Variants in KLHDC1 observed in about 807,000 individuals in gnomAD.
KLHDC1 encodes kelch domain containing 1, also known as kelch domain-containing protein 1.
A neutral mutation model predicts 68.3 loss-of-function variants in KLHDC1; 53 were observed. That is an observed-to-expected ratio of 0.78 (90% CI 0.62 to 0.98). The LOEUF (loss-of-function observed/expected upper bound fraction) is 0.98, where lower values mean the gene tolerates loss of function less well. Among genes scored for constraint, KLHDC1 ranks in the 50% least tolerant of loss-of-function variants. The pLI is 0.00. For synonymous variants in KLHDC1, 148 were observed against 159.0 expected, an observed-to-expected ratio of 0.93 and a Z score of 0.52; for missense variants, 470 against 492.3, an observed-to-expected ratio of 0.95 and a Z score of 0.43.
chr14:49,743,316 C>T (rs934047328), intron 11 of KLHDC1, among the ~76,000 whole-genome samples: 1 of 150,166 alleles, frequency 6.7e-6, no homozygotes, highest in Non-Finnish European at 1.5e-5. Flanking sequence ...AAGAGAATCG[C>T]TTGAACCTGG....
chr14:49,701,748 C>T (rs545421615), intron 1 of KLHDC1, among the ~76,000 whole-genome samples: 1 of 152,076 alleles, frequency 6.6e-6, no homozygotes, highest in Admixed American at 6.6e-5. Flanking sequence ...ATATTTGTAA[C>T]CAGGGTCGGG....
In KLHDC1 at chr14:49,715,368, G is replaced by T. The variant is rs373994478; in HGVS notation, c.404+4987G>T. ...GATCTCTTGACCTCATGATCTGACC[G>T]CCTCAGCCTCCCAAAGTGCTGGGAT... is the stretch of plus-strand genomic sequence containing the variant. On this transcript the variant is annotated intron_variant, in intron 4 of 12. Coordinates refer to ENST00000359332, the MANE Select transcript of KLHDC1 (RefSeq NM_172193.3). 3.3e-5 allele frequency among the ~76,000 whole-genome samples: 5 copies of T among 151,438 alleles called. No individual in the cohort carries two copies. In the South Asian group the frequency reaches 8.3e-4, roughly 25 times the overall value.
intron 1 of KLHDC1, among the ~76,000 whole-genome samples, chr14:49,694,196 G>A (rs1209974049): frequency 6.6e-6 from 1 of 152,132 alleles, no homozygotes; most frequent in East Asian, 1.9e-4. Flanking sequence ...AGGTTTGAGC[G>A]TATGTGTGTG....
At chr14:49,746,771 T>C (rs982661334) in intron 12 of KLHDC1, among the ~76,000 whole-genome samples, 2 of 152,092 alleles carry the variant, frequency 1.3e-5, no homozygotes, top group East Asian at 1.9e-4. Flanking sequence ...TGTGGAGAAC[T>C]CTTTTCATTC....
intron 4 of KLHDC1, among the ~76,000 whole-genome samples, chr14:49,713,243 C>G (rs1345497137): frequency 6.6e-6 from 1 of 152,080 alleles, no homozygotes; most frequent in African/African-American, 2.4e-5. Context: ...CATGAGCTAC[C>G]GCGCCCAGCC....
intron 4 of KLHDC1, among the ~76,000 whole-genome samples, chr14:49,718,014 G>T (rs1888423814): frequency 6.6e-6 from 1 of 151,956 alleles, no homozygotes; most frequent in South Asian, 2.1e-4. Context: ...AGCCTCCTGA[G>T]TAGCTGGGAC....
chr14:49,699,172 A>G (rs532229426), intron 1 of KLHDC1, among the ~76,000 whole-genome samples: 1 of 151,962 alleles, frequency 6.6e-6, no homozygotes, highest in South Asian at 2.1e-4. Flanking sequence ...AAAAAAAAAA[A>G]AAAAAAAAAA....
At chr14:49,697,954 A>G (rs190523951) in intron 1 of KLHDC1, among the ~76,000 whole-genome samples, 8 of 152,296 alleles carry the variant, frequency 5.3e-5, no homozygotes, top group Admixed American at 5.2e-4. Context: ...TCCAAAGGCA[A>G]CTTTTTAGTG....
intron 4 of KLHDC1, among the ~76,000 whole-genome samples, chr14:49,719,590 G>A (rs568920511): frequency 2.6e-5 from 4 of 151,270 alleles, no homozygotes; most frequent in East Asian, 3.9e-4. Flanking sequence ...TACCATGCTC[G>A]GCTAATTTAT....
At chr14:49,711,486 AGCCACT>A (rs1469776764) in intron 4 of KLHDC1, among the ~76,000 whole-genome samples, 1 of 152,114 alleles carries the variant, frequency 6.6e-6, no homozygotes, top group Non-Finnish European at 1.5e-5. Context: ...TACAAGCGTG[AGCCACT>A]GCACCTGGCC....
intron 6 of KLHDC1, 74 bp downstream of exon 6, chr14:49,725,843 T>C (rs577276906): frequency 3.8e-6 from 3 of 796,116 alleles, no homozygotes; most frequent in Non-Finnish European, 6.0e-6. Context: ...TTTGGGTTTT[T>C]TTTTGTTTTG....
At chr14:49,732,652 C>T (rs1888839789) in intron 8 of KLHDC1, 52 bp from the exon 9 acceptor site, 14 of 926,350 alleles carry the variant, frequency 1.5e-5, no homozygotes, top group Admixed American at 2.5e-5. Context: ...GATTAAAAAC[C>T]TTTTATTTTG....
intron 10 of KLHDC1, 33 bp downstream of exon 10, chr14:49,734,694 T>C (rs1300163109): frequency 2.5e-6 from 3 of 1,221,570 alleles, no homozygotes; most frequent in Admixed American, 3.8e-5. Context: ...AGTAAAATAG[T>C]TAAGAATTTT....
chr14:49,725,474 T>C, intron 5 of KLHDC1: 1 of 427,128 alleles, frequency 2.3e-6, no homozygotes, highest in Non-Finnish European at 4.2e-6. Flanking sequence ...CAAACAATAC[T>C]ATGAGAAGAA....
intron 1 of KLHDC1, among the ~76,000 whole-genome samples, chr14:49,697,759 T>G (rs1887785457): frequency 6.6e-6 from 1 of 152,260 alleles, no homozygotes; most frequent in Non-Finnish European, 1.5e-5. Flanking sequence ...AACTTTTGAG[T>G]GCTTACTACA....
chr14:49,711,010 T>G (rs1888183526), intron 4 of KLHDC1, among the ~76,000 whole-genome samples: 1 of 55,500 alleles, frequency 1.8e-5, no homozygotes, highest in Non-Finnish European at 4.0e-5. Flanking sequence ...TTTTGTTTTT[T>G]TGGAAATGGA....
chr14:49,721,771 T>C (rs1189213275), intron 4 of KLHDC1, among the ~76,000 whole-genome samples: 1 of 152,078 alleles, frequency 6.6e-6, no homozygotes, highest in Non-Finnish European at 1.5e-5. Flanking sequence ...GATCTCTCCA[T>C]GTTTTATAGT....
intron 8 of KLHDC1, among the ~76,000 whole-genome samples, chr14:49,731,009 G>A (rs1888793947): frequency 6.6e-6 from 1 of 152,018 alleles, no homozygotes; most frequent in African/African-American, 2.4e-5. Flanking sequence ...GGCAGGTGCA[G>A]TGGTACACGC....
At chr14:49,731,973 T>G (rs1888820075) in intron 8 of KLHDC1, among the ~76,000 whole-genome samples, 1 of 152,198 alleles carries the variant, frequency 6.6e-6, no homozygotes. Flanking sequence ...TGGGAAATTC[T>G]AGAAGTAGAT....
Sources: allele counts gnomAD v4.1 joint callset (sites outside exome capture counted in the v4.1 genomes callset), GRCh38; gene constraint gnomAD v4.1.1; transcripts MANE v1.5; gene names NCBI Gene and HGNC (gene_info 2026-07-23, HGNC 2026-07-21).